Variants in STK3 observed in about 807,000 individuals in gnomAD.
STK3 encodes the protein serine/threonine kinase 3, also known as serine/threonine-protein kinase 3.
In STK3, 41 loss-of-function variants were observed where a neutral mutation model predicts 58.0. The observed-to-expected ratio is 0.71, with a 90% CI of 0.55 to 0.92. STK3 has a LOEUF of 0.92. Among genes scored for constraint, STK3 ranks in the 40% least tolerant of loss-of-function variants. STK3 has a pLI of 0.00. For synonymous variants in STK3, 170 were observed against 191.0 expected (o/e 0.89, Z 0.91); for missense variants, 479 against 602.7 (o/e 0.79, Z 2.15).
upstream of STK3, among the ~76,000 whole-genome samples, chr8:98,828,451 AAAAAAAAAAAAAAAC>A (rs1181742857): frequency 6.7e-6 from 1 of 148,630 alleles, no homozygotes; most frequent in African/African-American, 2.5e-5. Context: ...AAAAAAAAAA[AAAAAAAAAAAAAAAC>A]AAAAGAAATA....
intron 3 of STK3, chr8:98,413,396 C>G (rs543009601): frequency 3.6e-6 from 2 of 549,002 alleles, no homozygotes; most frequent in East Asian, 9.8e-5. Flanking sequence ...TCCTTGGCTA[C>G]AGTTAAGCTA....
rs556872310 is a variant in STK3, at chr8:98,440,420, T to A, written n.186-3212A>T. On this transcript the variant is annotated intron_variant and non_coding_transcript_variant, in intron 1 of 3. Transcript: ENST00000517832. ...TTGTTGGCATTAAGTACATTCGCATTATTGTGCAACCATCACCACCATCCA... is the reference window on the plus strand; with the variant it reads ...TTGTTGGCATTAAGTACATTCGCATAATTGTGCAACCATCACCACCATCCA... Among the ~76,000 whole-genome samples, 3 of 152,348 alleles carry A rather than the reference T, an allele frequency of 2.0e-5. No homozygotes were observed. The South Asian group carries it at 6.2e-4, about 32-fold the overall frequency.
chr8:98,596,190 A>G lies in STK3; in HGVS notation c.685-21T>C, dbSNP rs758420963. On this transcript the variant is annotated intron_variant, in intron 6 of 10. Coordinates refer to ENST00000419617, the MANE Select transcript of STK3 (RefSeq NM_006281.4). ...ATAGCCTAGTACAAATGAAATATCC[A>G]AAAGACAGTAAGAATCACACTAGCA... is the stretch of plus-strand genomic sequence containing the variant. 179 of 1,604,834 alleles carry G rather than the reference A, an allele frequency of 1.1e-4. 1 individual carries two copies. Among genetic ancestry groups the G allele is most frequent in the Non-Finnish European group, 1.4e-4 (162 of 1,174,988 alleles).
chr8:98,429,364 T>C (rs892956498), intron 3 of STK3: 14 of 1,613,940 alleles, frequency 8.7e-6, no homozygotes, highest in Non-Finnish European at 1.1e-5. Flanking sequence ...CTGACGAACA[T>C]GAGCAGGAGC....
chr8:98,617,877 C>A (rs1272016898), intron 6 of STK3, among the ~76,000 whole-genome samples: 1 of 152,082 alleles, frequency 6.6e-6, no homozygotes, highest in Non-Finnish European at 1.5e-5. Context: ...CGAATTCTAC[C>A]AGAGGTACAA....
downstream of STK3, among the ~76,000 whole-genome samples, chr8:98,452,870 C>A (rs1819259364): frequency 6.6e-6 from 1 of 150,832 alleles, no homozygotes; most frequent in Non-Finnish European, 1.5e-5. Flanking sequence ...AAGCGATTCT[C>A]CTCCCTTAGC....
At chr8:98,935,319 C>T (rs935230262) in intron 1 of STK3, among the ~76,000 whole-genome samples, 1 of 152,220 alleles carries the variant, frequency 6.6e-6, no homozygotes, top group African/African-American at 2.4e-5. Context: ...AAGCTATCCA[C>T]CATATTGATG....
At chr8:98,636,227 G>A (rs1313312692) in intron 6 of STK3, among the ~76,000 whole-genome samples, 1 of 151,950 alleles carries the variant, frequency 6.6e-6, no homozygotes, top group Non-Finnish European at 1.5e-5. Flanking sequence ...GACATGGAGA[G>A]GTTAAATTGG....
chr8:98,738,424 G>A (rs1188816579), intron 4 of STK3, among the ~76,000 whole-genome samples: 3 of 152,062 alleles, frequency 2.0e-5, no homozygotes, highest in Non-Finnish European at 4.4e-5. Context: ...AGTGAGCCAA[G>A]ATCACGCCAT....
intron 4 of STK3, among the ~76,000 whole-genome samples, chr8:98,723,730 T>C (rs1315120152): frequency 6.6e-6 from 1 of 152,118 alleles, no homozygotes; most frequent in Non-Finnish European, 1.5e-5. Flanking sequence ...ACGCCCCCCT[T>C]TTCAAATGCC....
intron 1 of STK3, chr8:98,904,849 C>T (rs1262425147): frequency 7.5e-6 from 5 of 671,000 alleles, no homozygotes; most frequent in Non-Finnish European, 1.4e-5. Flanking sequence ...AGGTATCTGT[C>T]TTAGGGATTA....
intron 3 of STK3, among the ~76,000 whole-genome samples, chr8:98,852,266 C>T (rs1836500183): frequency 6.6e-6 from 1 of 152,046 alleles, no homozygotes; most frequent in African/African-American, 2.4e-5. Context: ...TCCCGAGCAG[C>T]TGGGATTACA....
intron 1 of STK3, 105 bp downstream of exon 1, chr8:98,825,410 G>A (rs1197991362): frequency 2.7e-6 from 3 of 1,100,032 alleles, no homozygotes; most frequent in African/African-American, 1.7e-5. Flanking sequence ...CCGGCTCGGG[G>A]CCCGGCGGGC....
chr8:98,669,617 C>A (rs1442710767), intron 6 of STK3, among the ~76,000 whole-genome samples: 1 of 152,138 alleles, frequency 6.6e-6, no homozygotes, highest in South Asian at 2.1e-4. Context: ...AACATGTTCT[C>A]TTAGGGTGCT....
intron 8 of STK3, among the ~76,000 whole-genome samples, chr8:98,575,997 T>A (rs749558196): frequency 6.6e-6 from 1 of 152,238 alleles, no homozygotes; most frequent in Non-Finnish European, 1.5e-5. Context: ...TATGTTTTTT[T>A]ATAAGAGTTT....
chr8:98,379,736 T>C (rs1817713127), intron 1 of STK3, among the ~76,000 whole-genome samples: 1 of 152,148 alleles, frequency 6.6e-6, no homozygotes, highest in Non-Finnish European at 1.5e-5. Context: ...TTGTAGAAAA[T>C]TGGAAATACA....
At chr8:98,359,230 G>T in the STK3 span, among the ~76,000 whole-genome samples, 1 of 151,598 alleles carries the variant, frequency 6.6e-6, no homozygotes, top group Non-Finnish European at 1.5e-5. Context: ...AATGAGTGCC[G>T]GGCGCGGTGG....
At chr8:98,544,054 A>T (rs1190669066) in intron 9 of STK3, among the ~76,000 whole-genome samples, 4 of 151,962 alleles carry the variant, frequency 2.6e-5, no homozygotes, top group Admixed American at 1.3e-4. Flanking sequence ...GCAATGAAAT[A>T]ATGAAATATA....
intron 6 of STK3, among the ~76,000 whole-genome samples, chr8:98,651,984 C>T (rs1820981448): frequency 6.6e-6 from 1 of 151,872 alleles, no homozygotes; most frequent in Non-Finnish European, 1.5e-5. Flanking sequence ...ACAGAGAACG[C>T]CACAAAGATA....
Sources: allele counts gnomAD v4.1 joint callset (sites outside exome capture counted in the v4.1 genomes callset), GRCh38; gene constraint gnomAD v4.1.1; transcripts MANE v1.5; gene names NCBI Gene and HGNC (gene_info 2026-07-23, HGNC 2026-07-21).